PRICKLE1: variants seen among roughly 807,000 people sequenced by gnomAD.
PRICKLE1 encodes prickle-like protein 1.
A neutral mutation model predicts 70.2 loss-of-function variants in PRICKLE1; 14 were observed. The observed-to-expected ratio is 0.20, with a 90% CI of 0.13 to 0.31. The LOEUF is 0.31. PRICKLE1 is among the 10% of genes least tolerant of loss of function. The probability of loss-of-function intolerance (pLI) is 1.00; values close to 1 mark genes in which losing one functional copy is unlikely to be tolerated. For missense variants in PRICKLE1, 821 were observed against 1,026.2 expected (o/e 0.80, Z 2.73); for synonymous variants, 357 against 379.9 (o/e 0.94, Z 0.70).
chr12:42,469,020 AC>A (rs1347551797), intron 4 of PRICKLE1, among the ~76,000 whole-genome samples, 191 bp from the exon 5 acceptor site: 1 of 152,228 alleles, frequency 6.6e-6, no homozygotes, highest in African/African-American at 2.4e-5. Context: ...TCTCAGACAT[AC>A]TACAACTATT....
intron 1 of PRICKLE1, among the ~76,000 whole-genome samples, chr12:42,494,838 T>C (rs1373860298): frequency 6.7e-6 from 1 of 149,174 alleles, no homozygotes; most frequent in Admixed American, 6.7e-5. Flanking sequence ...ATTCCTCGTC[T>C]GATAAAATTC....
chr12:42,509,484 T>G (rs937480787), intron 1 of PRICKLE1, among the ~76,000 whole-genome samples: 3 of 152,190 alleles, frequency 2.0e-5, no homozygotes, highest in Admixed American at 2.0e-4. Context: ...TGCCTTATTC[T>G]GCTCACCCTT....
At position 42,502,482 on chromosome 12, in the gene PRICKLE1, A is replaced by AT. The variant is rs766758779; in HGVS notation, c.-48-29919dup. Among the ~76,000 whole-genome samples, 480 of 150,964 alleles carry AT rather than the reference A, an allele frequency of 3.2e-3. 2 individuals carry two copies. Among genetic ancestry groups the AT allele is most frequent in the Non-Finnish European group, 3.2e-3 (220 of 67,718 alleles). On this transcript the variant is annotated intron_variant, in intron 1 of 7. Coordinates refer to ENST00000345127, the MANE Select transcript of PRICKLE1 (RefSeq NM_153026.3). ...ATCACCATGCCTGGCTAATTTTTGT[A>AT]TTTTTTTTGTAGAGACAGGTGTCTC... is the stretch of plus-strand genomic sequence containing the variant.
intron 1 of PRICKLE1, among the ~76,000 whole-genome samples, chr12:42,516,511 A>G (rs747544334): frequency 6.6e-6 from 1 of 152,134 alleles, no homozygotes; most frequent in Non-Finnish European, 1.5e-5. Flanking sequence ...TCTTGTTTAC[A>G]GGGTATCTCT....
chr12:42,560,167 C>T (rs1023942018), intron 1 of PRICKLE1, among the ~76,000 whole-genome samples: 9 of 149,004 alleles, frequency 6.0e-5, no homozygotes, highest in Non-Finnish European at 8.9e-5. Context: ...GGCAGAGTCT[C>T]GCTCTGTCGC....
chr12:42,520,052 T>G (rs1939682748), intron 1 of PRICKLE1, among the ~76,000 whole-genome samples: 1 of 152,212 alleles, frequency 6.6e-6, no homozygotes, highest in Admixed American at 6.5e-5. Flanking sequence ...ATGCCTTCCC[T>G]GAGACCACTG....
At chr12:42,588,874 G>C (rs1176552345) in intron 1 of PRICKLE1, among the ~76,000 whole-genome samples, 2 of 152,294 alleles carry the variant, frequency 1.3e-5, no homozygotes, top group African/African-American at 4.8e-5. Context: ...AACATGCCTA[G>C]TTTCTTCAAC....
chr12:42,544,402 T>G (rs1468034649), intron 1 of PRICKLE1, among the ~76,000 whole-genome samples: 1 of 152,262 alleles, frequency 6.6e-6, no homozygotes, highest in Non-Finnish European at 1.5e-5. Flanking sequence ...TTTTGTTGTA[T>G]TTGTCATCTA....
intron 1 of PRICKLE1, among the ~76,000 whole-genome samples, chr12:42,571,520 C>G (rs945833451): frequency 6.6e-6 from 1 of 152,172 alleles, no homozygotes; most frequent in African/African-American, 2.4e-5. Context: ...TGGGGTTGGT[C>G]TTGTCTGAGG....
intron 1 of PRICKLE1, among the ~76,000 whole-genome samples, chr12:42,477,095 A>C (rs1938570185): frequency 6.6e-6 from 1 of 151,782 alleles, no homozygotes; most frequent in Admixed American, 6.6e-5. Flanking sequence ...AGACGTGGCC[A>C]GGCGCAGTAG....
At chr12:42,548,715 G>A (rs1004502235) in intron 1 of PRICKLE1, among the ~76,000 whole-genome samples, 3 of 152,162 alleles carry the variant, frequency 2.0e-5, no homozygotes, top group African/African-American at 7.2e-5. Flanking sequence ...TAGCATGGAG[G>A]TCATTATTTC....
chr12:42,504,377 A>C (rs1026505548), intron 1 of PRICKLE1, among the ~76,000 whole-genome samples: 4 of 152,218 alleles, frequency 2.6e-5, no homozygotes, highest in Non-Finnish European at 5.9e-5. Flanking sequence ...GAATCAAAGA[A>C]TACCTGCCTC....
At position 42,464,442 on chromosome 12, in the gene PRICKLE1, T is replaced by C; in HGVS notation, c.1592A>G (p.Gln531Arg). 6.2e-7 allele frequency: 1 copy of C among 1,614,128 alleles called. No homozygotes were observed. The change falls in exon 7 of 8, where the codon CAA becomes CGA. Residue 531 changes from glutamine (Q) to arginine (R), a missense_variant. Physicochemically the swap from Gln to Arg is conservative, Grantham distance 43. Coordinates refer to ENST00000345127, the MANE Select transcript of PRICKLE1 (RefSeq NM_153026.3). This position sits in a 1 kb window ranked among gnomAD's most constrained non-coding sequence, Gnocchi z 4.2. Reference protein sequence around the residue: ...LECLSDLKPEQSVRDSMDSLA... With the variant: ...LECLSDLKPERSVRDSMDSLA... ...AGAATCCATCGAATCCCGAACACTT[T>C]GCTCTGGTTTCAGGTCTGACAGACA... is the stretch of plus-strand genomic sequence containing the variant.
chr12:42,534,913 T>C (rs1161571108), intron 1 of PRICKLE1, among the ~76,000 whole-genome samples: 1 of 152,224 alleles, frequency 6.6e-6, no homozygotes, highest in Non-Finnish European at 1.5e-5. Context: ...CTGCAGTAGA[T>C]ATGTATGGTT....
At chr12:42,524,235 A>T (rs1431630893) in intron 1 of PRICKLE1, among the ~76,000 whole-genome samples, 2 of 152,182 alleles carry the variant, frequency 1.3e-5, no homozygotes, top group Non-Finnish European at 2.9e-5. Context: ...AAATAAAAGG[A>T]CAGTAAGTCC....
At position 42,472,809 on chromosome 12, in the gene PRICKLE1, T is replaced by C. The variant is rs148778370; in HGVS notation, c.-48-245A>G. ...AACATGCCACCAAAGCTAGTTTATT[T>C]CCAGGAGCCTTTAAAAGGTGCCTCT... is the stretch of plus-strand genomic sequence containing the variant. On this transcript the variant is annotated intron_variant, in intron 1 of 7. Coordinates refer to ENST00000345127, the MANE Select transcript of PRICKLE1 (RefSeq NM_153026.3). 4.3e-4 allele frequency among the ~76,000 whole-genome samples: 66 copies of C among 152,334 alleles called. No homozygotes were observed. In the East Asian group the frequency reaches 0.012, roughly 28 times the overall value.
chr12:42,535,134 T>A (rs1407088326), intron 1 of PRICKLE1, among the ~76,000 whole-genome samples: 1 of 152,140 alleles, frequency 6.6e-6, no homozygotes. Flanking sequence ...ATATGACTGA[T>A]GGCACATCAG....
At chr12:42,528,599 G>C (rs767333127) in intron 1 of PRICKLE1, among the ~76,000 whole-genome samples, 2 of 152,136 alleles carry the variant, frequency 1.3e-5, no homozygotes, top group Non-Finnish European at 2.9e-5. Flanking sequence ...AAATAGGTAA[G>C]TTCAATAAGT....
At chr12:42,552,094 TCTCA>T (rs1248705717) in intron 1 of PRICKLE1, among the ~76,000 whole-genome samples, 3 of 144,722 alleles carry the variant, frequency 2.1e-5, no homozygotes, top group Non-Finnish European at 4.5e-5. Flanking sequence ...GGAGACAGGC[TCTCA>T]CTCTGTTGTC....
Sources: allele counts gnomAD v4.1 joint callset (sites outside exome capture counted in the v4.1 genomes callset), GRCh38; gene constraint gnomAD v4.1.1; non-coding constraint Gnocchi (gnomAD v3.1); transcripts MANE v1.5; gene names NCBI Gene and HGNC (gene_info 2026-07-23, HGNC 2026-07-21).